The following DIAPH1 variants were observed in gnomAD, a reference collection of about 807,000 sequenced individuals.
The protein encoded by DIAPH1 is diaphanous related formin 1.
In DIAPH1, 46 loss-of-function variants were observed where a neutral mutation model predicts 140.7. That is an observed-to-expected ratio of 0.33 (90% CI 0.26 to 0.42). DIAPH1 has a LOEUF of 0.42. DIAPH1 is among the 10% of genes least tolerant of loss of function. DIAPH1 has a pLI of 1.00. For synonymous variants in DIAPH1, 565 were observed against 551.6 expected, an observed-to-expected ratio of 1.02 and a Z score of -0.34; for missense variants, 1,310 against 1,558.7, an observed-to-expected ratio of 0.84 and a Z score of 2.69.
In DIAPH1 at chr5:141,573,301, GGC is replaced by G. The variant is rs1157821974; in HGVS notation, c.2358+189_2358+190del. Among the ~76,000 whole-genome samples the G allele has an allele frequency of 2.6e-5, 4 of 151,996 alleles. No homozygotes were observed. In the East Asian group the frequency reaches 7.7e-4, roughly 29 times the overall value. On this transcript the variant is annotated intron_variant, in intron 16 of 27. Coordinates refer to ENST00000389054, the MANE Select transcript of DIAPH1 (RefSeq NM_005219.5). ...AATACAAAAATTAGCCGGGCGTGGT[GGC>G]GCGCGCCTATAGTCCCAGCTACACG...
chr5:141,545,660 A>G (rs997783541), intron 18 of DIAPH1, among the ~76,000 whole-genome samples: 3 of 152,184 alleles, frequency 2.0e-5, no homozygotes, highest in African/African-American at 7.2e-5. Flanking sequence ...AAGCAACAAC[A>G]AAAAACAGTG....
At chr5:141,543,585 A>G (rs1386882121) in intron 18 of DIAPH1, among the ~76,000 whole-genome samples, 2 of 152,224 alleles carry the variant, frequency 1.3e-5, no homozygotes, top group Non-Finnish European at 2.9e-5. Flanking sequence ...ATTCATTATC[A>G]ACATTATAAA....
chr5:141,608,373 ATTT>A (rs2099901276), intron 1 of DIAPH1, among the ~76,000 whole-genome samples: 1 of 152,242 alleles, frequency 6.6e-6, no homozygotes, highest in Non-Finnish European at 1.5e-5. Flanking sequence ...GCATTCTAAG[ATTT>A]TGAAACTTAG....
chr5:141,526,605 G>A (rs2154594960), intron 24 of DIAPH1, 144 bp from the exon 25 acceptor site: 3 of 883,774 alleles, frequency 3.4e-6, no homozygotes. Context: ...CCAAAGCCAT[G>A]TAGGTACCCC....
At chr5:141,597,921 GAA>G (rs952167797) in intron 1 of DIAPH1, among the ~76,000 whole-genome samples, 9 of 152,216 alleles carry the variant, frequency 5.9e-5, no homozygotes, top group African/African-American at 2.2e-4. Flanking sequence ...CTCAGAAGCA[GAA>G]AATACAGAGC....
chr5:141,528,280 G>A (rs187894887), intron 23 of DIAPH1, among the ~76,000 whole-genome samples, 173 bp downstream of exon 23: 2 of 152,274 alleles, frequency 1.3e-5, no homozygotes, highest in African/African-American at 4.8e-5. Context: ...TACACATAAA[G>A]ATCTCTCCTC....
chr5:141,537,917 G>T (rs952976134), intron 18 of DIAPH1, among the ~76,000 whole-genome samples: 1 of 152,028 alleles, frequency 6.6e-6, no homozygotes, highest in Non-Finnish European at 1.5e-5. Context: ...CTTGAGACAG[G>T]GTCTCATTTG....
At chr5:141,524,320 T>C in intron 26 of DIAPH1, 91 bp from the exon 27 acceptor site, 1 of 1,204,570 alleles carries the variant, frequency 8.3e-7, no homozygotes, top group Non-Finnish European at 1.2e-6. Flanking sequence ...GGCTATTGCT[T>C]GATTTCCCCT....
chr5:141,588,919 T>C (rs1198995851), intron 1 of DIAPH1: 1 of 152,308 alleles, frequency 6.6e-6, no homozygotes, highest in Non-Finnish European at 1.5e-5. Context: ...CTGGATATAT[T>C]GGAACCACCA....
intron 1 of DIAPH1, 75 bp from the exon 2 acceptor site, chr5:141,588,325 A>T (rs566193680): frequency 9.0e-7 from 1 of 1,107,948 alleles, no homozygotes; most frequent in African/African-American, 1.5e-5. Flanking sequence ...CAAACACCAG[A>T]CGGGTTGGGG....
At chr5:141,548,739 T>C (rs2099891212) in intron 18 of DIAPH1, among the ~76,000 whole-genome samples, 1 of 152,026 alleles carries the variant, frequency 6.6e-6, no homozygotes, top group Non-Finnish European at 1.5e-5. Context: ...CCGAGGAGGC[T>C]GAGGCTGCAG....
rs2099897043 is a variant in DIAPH1, at chr5:141,583,282, T to C, written c.544A>G (p.Thr182Ala). Residue 182 changes from threonine (T) to alanine (A), a missense_variant, in exon 6 of 28, where the codon ACA becomes GCA. By Grantham distance (58) the Thr-to-Ala change is moderately conservative (BLOSUM62 0). This residue lies in a region of DIAPH1 where 377 missense variants were observed against 497.1 expected (regional missense o/e 0.76). Transcript: ENST00000389054. ...LNNNPVSWVQ[T>A]FGAEGLASLL... The stretch of plus-strand genomic sequence containing the variant: ...GAGGCCAAGCCTTCAGCACCAAATG[T>C]TTGCACCCAACTGTAAGGAACAGAG... 6.2e-7 allele frequency: 1 copy of C among 1,614,206 alleles called. No homozygotes were observed. The highest frequency in any genetic ancestry group is 2.2e-5 in the East Asian group (1 of 44,888).
chr5:141,536,469 G>A (rs751864547), intron 18 of DIAPH1, among the ~76,000 whole-genome samples: 2 of 152,156 alleles, frequency 1.3e-5, no homozygotes, highest in Non-Finnish European at 2.9e-5. Flanking sequence ...AAAGATTCTT[G>A]CCTTCATGGA....
Position 141,525,908 on chromosome 5 carries a change from C to T in DIAPH1, c.3574+130G>A, listed in dbSNP as rs1031389584. On this transcript the variant is annotated intron_variant, in intron 26 of 27. Coordinates refer to ENST00000389054, the MANE Select transcript of DIAPH1 (RefSeq NM_005219.5). The stretch of plus-strand genomic sequence containing the variant: ...GGGTTAAAGTCCGGCATCAGGATCT[C>T]GGAGTGAAGACTGCCAAAAATCATT... 9.1e-6 allele frequency: 13 copies of T among 1,435,956 alleles called. No individual in the cohort carries two copies. In the African/African-American group the frequency reaches 1.1e-4, roughly 12 times the overall value. 89.0% of individuals were successfully genotyped at this position (1,435,956 alleles called of 1,614,324 possible).
chr5:141,529,793 G>A lies in DIAPH1; in HGVS notation c.2582-96C>T, dbSNP rs1265396565. ...TATGCTGGATAATCTTCCTAACAGG[G>A]CTCTTTTAGGCCAGGCACAGTGGCT... On this transcript the variant is annotated intron_variant, in intron 19 of 27. Transcript: ENST00000389054. 6 of 1,084,724 alleles carry A rather than the reference G, an allele frequency of 5.5e-6. No homozygotes were observed. In the East Asian group the frequency reaches 7.3e-5, roughly 13 times the overall value. 67.2% of individuals were successfully genotyped at this position (1,084,724 alleles called of 1,614,324 possible). A position where few individuals can be genotyped will look rare whatever the true frequency, so the allele number is the denominator to read the frequency against.
At chr5:141,571,026 A>G (rs934554225) in intron 18 of DIAPH1, among the ~76,000 whole-genome samples, 4 of 152,176 alleles carry the variant, frequency 2.6e-5, no homozygotes, top group African/African-American at 9.6e-5. Context: ...AACTGTTCAG[A>G]GTCTATATAT....
intron 1 of DIAPH1, among the ~76,000 whole-genome samples, chr5:141,595,873 C>CA (rs2099899235): frequency 1.3e-5 from 2 of 151,848 alleles, no homozygotes; most frequent in East Asian, 1.9e-4. Flanking sequence ...AACTGCTCTT[C>CA]AAAAAAAAGG....
intron 8 of DIAPH1, 22 bp from the exon 9 acceptor site, chr5:141,579,218 G>A: frequency 1.3e-6 from 2 of 1,588,338 alleles, no homozygotes; most frequent in Non-Finnish European, 1.7e-6. Context: ...AAAGGAAACG[G>A]AGAGAACTTT....
chr5:141,528,029 G>C (rs139447286), intron 23 of DIAPH1, among the ~76,000 whole-genome samples: 314 of 152,278 alleles, frequency 2.1e-3, no homozygotes, highest in African/African-American at 7.3e-3. Context: ...TAGAGAACAG[G>C]GTTTGGGAGG....
Sources: gnomAD v4.1 joint callset for allele counts (sites outside exome capture counted in the v4.1 genomes callset) on GRCh38, gnomAD v4.1.1 for gene constraint, gnomAD v4.1.1 regional missense constraint, MANE v1.5 for transcripts, NCBI Gene and HGNC (gene_info 2026-07-23, HGNC 2026-07-21) for gene names.